CENPC: variants seen among roughly 807,000 people sequenced by gnomAD.
The protein encoded by CENPC is CENP-C 1.
A neutral mutation model predicts 112.1 loss-of-function variants in CENPC; 63 were observed. The observed-to-expected ratio is 0.56, with a 90% CI of 0.46 to 0.69. The LOEUF (loss-of-function observed/expected upper bound fraction) is 0.69. CENPC is among the 30% of genes least tolerant of loss of function. CENPC has a pLI of 0.00. For missense variants in CENPC, 1,000 were observed against 1,103.8 expected (o/e 0.91, Z 1.33); for synonymous variants, 333 against 367.6 (o/e 0.91, Z 1.08).
chr4:67,500,458 T>C (rs1725562278), intron 12 of CENPC, among the ~76,000 whole-genome samples: 1 of 152,038 alleles, frequency 6.6e-6, no homozygotes, highest in Non-Finnish European at 1.5e-5. Context: ...CAAATCTTGG[T>C]TTCTAAATGC....
chr4:67,508,513 T>TAAA (rs34160703), intron 10 of CENPC, among the ~76,000 whole-genome samples: 18,829 of 90,906 alleles, frequency 0.21, 2,288 homozygotes, highest in South Asian at 0.24. Context: ...CTCTGTCTCT[T>TAAA]AAAAAAAAAA....
intron 17 of CENPC, among the ~76,000 whole-genome samples, chr4:67,481,274 C>T (rs1027609792): frequency 5.9e-5 from 9 of 152,068 alleles, no homozygotes; most frequent in South Asian, 4.1e-4. Flanking sequence ...CAAATGAAAA[C>T]ACATCCCATG....
intron 4 of CENPC, among the ~76,000 whole-genome samples, chr4:67,531,415 G>C (rs973257370): frequency 6.6e-6 from 1 of 152,138 alleles, no homozygotes; most frequent in Admixed American, 6.6e-5. Flanking sequence ...ATATTTAAAG[G>C]ACCAGCTTAC....
chr4:67,503,317 C>G (rs944070991), intron 12 of CENPC, among the ~76,000 whole-genome samples: 1 of 152,050 alleles, frequency 6.6e-6, no homozygotes, highest in African/African-American at 2.4e-5. Flanking sequence ...CACTATTTAC[C>G]CAGACAGCTG....
At chr4:67,503,196 C>T (rs1013382240) in intron 12 of CENPC, among the ~76,000 whole-genome samples, 1 of 152,116 alleles carries the variant, frequency 6.6e-6, no homozygotes, top group African/African-American at 2.4e-5. Flanking sequence ...TCCTACTACT[C>T]GTTCGCTCTC....
At position 67,518,150 on chromosome 4, in the gene CENPC, A is replaced by G. The variant is rs1462457713; in HGVS notation, c.830+6T>C. On this transcript the variant is annotated splice_donor_region_variant and intron_variant, in intron 7 of 18. Transcript: ENST00000273853. Reference sequence around the variant, plus strand: ...TGTCTCAAAGGGCAGTTTCTTAATAACTCACCTGGATTCACTTTTTCGTTT... The same window carrying G: ...TGTCTCAAAGGGCAGTTTCTTAATAGCTCACCTGGATTCACTTTTTCGTTT... 2 of 1,483,896 alleles carry G rather than the reference A, an allele frequency of 1.3e-6. No individual in the cohort carries two copies. The highest frequency in any genetic ancestry group is 2.2e-5 in the Admixed American group (1 of 46,310). 91.9% of individuals were successfully genotyped at this position (1,483,896 alleles called of 1,614,324 possible).
chr4:67,497,045 T>TA (rs1347576038), intron 12 of CENPC, among the ~76,000 whole-genome samples: 1 of 151,898 alleles, frequency 6.6e-6, no homozygotes, highest in Non-Finnish European at 1.5e-5. Flanking sequence ...ATACTGAGGA[T>TA]AATGGGAGTC....
intron 15 of CENPC, chr4:67,492,656 G>T (rs759191296): frequency 2.7e-6 from 2 of 753,300 alleles, no homozygotes; most frequent in South Asian, 2.7e-5. Flanking sequence ...ATTTACTCAT[G>T]AAGAAATTTA....
intron 4 of CENPC, among the ~76,000 whole-genome samples, chr4:67,536,158 C>T (rs775043737): frequency 2.0e-5 from 3 of 151,710 alleles, no homozygotes; most frequent in Non-Finnish European, 2.9e-5. Context: ...AGGTGAAAAC[C>T]AGCAATAAAA....
intron 15 of CENPC, 63 bp downstream of exon 15, chr4:67,492,806 T>C: frequency 6.9e-7 from 1 of 1,442,840 alleles, no homozygotes; most frequent in Non-Finnish European, 9.2e-7. Flanking sequence ...GCAAAGAGCT[T>C]CTTCTCAAAG....
chr4:67,482,556 C>T (rs1454076481), intron 17 of CENPC, among the ~76,000 whole-genome samples: 1 of 152,158 alleles, frequency 6.6e-6, no homozygotes, highest in African/African-American at 2.4e-5. Context: ...TAGAATAGTA[C>T]TCAACCATAA....
intron 7 of CENPC, among the ~76,000 whole-genome samples, chr4:67,515,481 A>AAG (rs202062245): frequency 8.6e-5 from 13 of 151,158 alleles, no homozygotes; most frequent in East Asian, 1.9e-4. Flanking sequence ...GAAAAAAAAA[A>AAG]AGAGAGAGAG....
intron 4 of CENPC, among the ~76,000 whole-genome samples, chr4:67,533,689 A>C (rs893336865): frequency 5.3e-5 from 8 of 152,192 alleles, no homozygotes; most frequent in African/African-American, 1.9e-4. Context: ...AAGCAGACAG[A>C]TTACTGTTTA....
chr4:67,538,222 C>G (rs894102339), intron 4 of CENPC, among the ~76,000 whole-genome samples: 1 of 152,144 alleles, frequency 6.6e-6, no homozygotes, highest in African/African-American at 2.4e-5. Context: ...TGAATTCCCT[C>G]TAACACTATT....
intron 11 of CENPC, among the ~76,000 whole-genome samples, chr4:67,505,936 T>C (rs1054358721): frequency 1.3e-5 from 2 of 151,180 alleles, no homozygotes; most frequent in African/African-American, 4.9e-5. Context: ...ATATTTTAAT[T>C]AAAAAAAAAT....
intron 1 of CENPC, 38 bp downstream of exon 1, chr4:67,545,300 G>T: frequency 6.9e-7 from 1 of 1,455,862 alleles, no homozygotes. Flanking sequence ...CCAGCCAGCC[G>T]CTCAACCACT....
At chr4:67,472,928 G>A (rs1039773694) in intron 18 of CENPC, among the ~76,000 whole-genome samples, 1 of 152,172 alleles carries the variant, frequency 6.6e-6, no homozygotes, top group East Asian at 1.9e-4. Flanking sequence ...TGAATCAGTC[G>A]AGAGTGTAAG....
Position 67,472,466 on chromosome 4 carries a change from AAATAC to A in CENPC, c.*134_*138del. ...AACATGTGAGTTAGAAATGTTTATC[AAATAC>A]AAGTCTACAGAAAACTGAATAAAAT... On this transcript the variant is annotated 3_prime_UTR_variant, in exon 19 of 19. Coordinates refer to ENST00000273853, the MANE Select transcript of CENPC (RefSeq NM_001812.4). The A allele has an allele frequency of 2.7e-6, 3 of 1,120,662 alleles. No individual in the cohort carries two copies. The highest frequency in any genetic ancestry group is 3.4e-6 in the Non-Finnish European group (3 of 873,492). The allele number at this position is 1,120,662 out of a possible 1,614,324, so 69.4% of individuals were successfully genotyped here. A position where few individuals can be genotyped will look rare whatever the true frequency, so the allele number is the denominator to read the frequency against.
chr4:67,506,803 G>A lies in CENPC; in HGVS notation c.2036C>T (p.Ser679Leu). Reference protein sequence around the residue: ...SNLDSGEHKTSVLEESGPSRL... With the variant: ...SNLDSGEHKTLVLEESGPSRL... ...ACACGCATACCTTTCCTCTAAAACT[G>A]AAGTCTTATGCTCTCCAGAATCCAA... is the stretch of plus-strand genomic sequence containing the variant. The change falls in exon 11 of 19, where the codon TCA becomes TTA. Residue 679 changes from serine (S) to leucine (L), a missense_variant. Transcript: ENST00000273853. 6.2e-7 allele frequency: 1 copy of A among 1,602,780 alleles called. No homozygotes were observed. The highest frequency in any genetic ancestry group is 8.5e-7 in the Non-Finnish European group (1 of 1,174,916).
Sources: gnomAD v4.1 joint callset for allele counts (sites outside exome capture counted in the v4.1 genomes callset) on GRCh38, gnomAD v4.1.1 for gene constraint, MANE v1.5 for transcripts, NCBI Gene and HGNC (gene_info 2026-07-23, HGNC 2026-07-21) for gene names.